Variants in CTF1 observed in about 807,000 individuals in gnomAD.
CTF1 encodes the protein cardiotrophin-1.
CTF1 carries 9 observed loss-of-function variants against 10.9 expected under a neutral mutation model. The observed-to-expected ratio is 0.83, with a 90% CI of 0.50 to 1.44. The LOEUF is 1.44. Ranked by LOEUF, CTF1 falls within the 40% of genes most tolerant of loss-of-function variation. CTF1 has a pLI of 0.00. For missense variants in CTF1, 259 were observed against 275.3 expected, an observed-to-expected ratio of 0.94 and a Z score of 0.42; for synonymous variants, 133 against 138.8, an observed-to-expected ratio of 0.96 and a Z score of 0.29.
In CTF1 at chr16:30,902,604, CTT is replaced by C; in HGVS notation, c.*67_*68del. ...TCCGTCTCTCCTTCCGCTTCTTTGT[CTT>C]TCTCTGCCGCTGTCGGTGTCTGTCT... On this transcript the variant is annotated 3_prime_UTR_variant, in exon 3 of 3. Transcript: ENST00000279804. The C allele has an allele frequency of 2.1e-6, 3 of 1,426,920 alleles. No homozygotes were observed. Among genetic ancestry groups the C allele is most frequent in the Non-Finnish European group, 2.8e-6 (3 of 1,085,950 alleles). 88.4% of individuals were successfully genotyped at this position (1,426,920 alleles called of 1,614,324 possible). A position where few individuals can be genotyped will look rare whatever the true frequency, so the allele number is the denominator to read the frequency against.
chr16:30,901,668 G>A (rs937048587), intron 2 of CTF1, among the ~76,000 whole-genome samples: 1 of 151,756 alleles, frequency 6.6e-6, no homozygotes, highest in African/African-American at 2.4e-5. Flanking sequence ...GACCTCCTGG[G>A]CTCAAGCAAT....
chr16:30,900,773 AC>A (rs1426866506), intron 2 of CTF1, among the ~76,000 whole-genome samples: 2 of 151,896 alleles, frequency 1.3e-5, no homozygotes, highest in Admixed American at 1.3e-4. Flanking sequence ...ACAGTGTGAG[AC>A]CCCATCTATT....
At chr16:30,896,707 G>A in intron 1 of CTF1, 39 bp downstream of exon 1, 1 of 1,252,162 alleles carries the variant, frequency 8.0e-7, no homozygotes. Context: ...TCGCTGAGGG[G>A]CGCAGGAGTC....
rs763364353 is a variant in CTF1 at position 30,896,676 on chromosome 16, G to T, written c.25+8G>T. On this transcript the variant is annotated splice_region_variant and intron_variant, in intron 1 of 2. Transcript: ENST00000279804. Reference sequence around the variant, plus strand: ...GGAGGGAGGGAAGTCTGGGTAAGGGGCTGAGGGACCGGACGCCGGGTCGCT... The same window carrying T: ...GGAGGGAGGGAAGTCTGGGTAAGGGTCTGAGGGACCGGACGCCGGGTCGCT... 1.4e-5 allele frequency: 18 copies of T among 1,252,994 alleles called. No individual in the cohort carries two copies. The highest frequency in any genetic ancestry group is 4.2e-5 in the Admixed American group (1 of 23,744). The allele number at this position is 1,252,994 out of a possible 1,614,324, so 77.6% of individuals were successfully genotyped here.
intron 1 of CTF1, 64 bp from the exon 2 acceptor site, chr16:30,899,351 C>A: frequency 1.0e-6 from 1 of 986,098 alleles, no homozygotes; most frequent in Non-Finnish European, 1.6e-6. Flanking sequence ...AAAGAGCCAG[C>A]GTGGGAGAGG....
At chr16:30,899,557 T>TGGGGGG in intron 2 of CTF1, 24 bp downstream of exon 2, 2 of 546,118 alleles carry the variant, frequency 3.7e-6, no homozygotes, top group Non-Finnish European at 7.0e-6. Flanking sequence ...GGGGTGGGGG[T>TGGGGGG]GCCGGGGGCC....
chr16:30,902,005 G>C, intron 2 of CTF1, 73 bp from the exon 3 acceptor site: 1 of 1,296,712 alleles, frequency 7.7e-7, no homozygotes. Flanking sequence ...CAGAGAGCGG[G>C]TTGGAGAGCC....
chr16:30,896,770 G>C (rs1461529364), intron 1 of CTF1, 102 bp downstream of exon 1: 29 of 1,109,218 alleles, frequency 2.6e-5, no homozygotes, highest in Non-Finnish European at 3.0e-5. Flanking sequence ...GGTCCGGGAG[G>C]GGAGCGGCCT....
intron 2 of CTF1, among the ~76,000 whole-genome samples, chr16:30,901,178 T>A (rs778923253): frequency 3.9e-5 from 6 of 152,038 alleles, no homozygotes; most frequent in Non-Finnish European, 7.4e-5. Flanking sequence ...CAGGCGTGAG[T>A]CACCGTGCCC....
At chr16:30,898,038 T>A (rs1475852166) in intron 1 of CTF1, among the ~76,000 whole-genome samples, 1 of 150,590 alleles carries the variant, frequency 6.6e-6, no homozygotes, top group East Asian at 2.0e-4. Context: ...TTTTTTTGTA[T>A]TTTTAGTAGA....
intron 2 of CTF1, 23 bp downstream of exon 2, chr16:30,899,556 G>GGGC: frequency 1.6e-6 from 2 of 1,217,730 alleles, no homozygotes; most frequent in Non-Finnish European, 2.4e-6. Flanking sequence ...GGGGGTGGGG[G>GGGC]TGCCGGGGGC....
chr16:30,899,322 C>A, intron 1 of CTF1, 93 bp from the exon 2 acceptor site: 1 of 844,202 alleles, frequency 1.2e-6, no homozygotes, highest in Non-Finnish European at 2.1e-6. Context: ...ATGGGACAGA[C>A]CCTGATGGGG....
chr16:30,896,513 G>T (rs540754654), upstream of CTF1: 13 of 827,384 alleles, frequency 1.6e-5, no homozygotes, highest in Middle Eastern at 8.5e-4. Flanking sequence ...TGTCTCAAAA[G>T]GGGGGGTAGG....
In CTF1 at chr16:30,902,300, G is replaced by T; in HGVS notation, c.367G>T (p.Glu123Ter). The T allele has an allele frequency of 2.0e-6, 2 of 1,008,498 alleles. No homozygotes were observed. The highest frequency in any genetic ancestry group is 2.4e-6 in the Non-Finnish European group (2 of 847,554). 62.5% of individuals were successfully genotyped at this position (1,008,498 alleles called of 1,614,324 possible). A position where few individuals can be genotyped will look rare whatever the true frequency, so the allele number is the denominator to read the frequency against. ...PRAPRLLRRL[E>*]DAARQARALG... ...CGCGCCGCGCCTGCTGCGCCGCCTG[G>T]AGGACGCGGCGCGCCAGGCCCGGGC... Residue 123 changes from glutamate to a stop codon, truncating the protein, a stop_gained, in exon 3 of 3, where the codon GAG becomes TAG. Transcript: ENST00000279804. LOFTEE classifies it high-confidence loss of function.
chr16:30,898,306 C>T (rs1269080868), intron 1 of CTF1, among the ~76,000 whole-genome samples: 1 of 152,056 alleles, frequency 6.6e-6, no homozygotes, highest in Non-Finnish European at 1.5e-5. Context: ...GGATTACAGG[C>T]ACCCACCATC....
At chr16:30,899,389 C>A in intron 1 of CTF1, 26 bp from the exon 2 acceptor site, 2 of 1,463,134 alleles carry the variant, frequency 1.4e-6, no homozygotes, top group Non-Finnish European at 1.9e-6. Context: ...GTTGGCCATC[C>A]TCATTCCTCC....
Position 30,902,093 on chromosome 16 carries a change from G to T in CTF1, c.160G>T (p.Asp54Tyr). ...LLQEYVQLQG[D>Y]PFGLPSFSPP... ...GTCTCCGCAGGTGCAGCTCCAGGGA[G>T]ACCCCTTCGGGCTGCCCAGCTTCTC... The change falls in exon 3 of 3, where the codon GAC becomes TAC. Residue 54 changes from aspartate (D) to tyrosine (Y), a missense_variant. Coordinates refer to ENST00000279804, the MANE Select transcript of CTF1 (RefSeq NM_001330.5). 7.0e-7 allele frequency: 1 copy of T among 1,437,118 alleles called. No homozygotes were observed. Among genetic ancestry groups the T allele is most frequent in the Non-Finnish European group, 9.1e-7 (1 of 1,093,892 alleles). The allele number at this position is 1,437,118 out of a possible 1,614,324, so 89.0% of individuals were successfully genotyped here.
chr16:30,902,585 T>C lies in CTF1; in HGVS notation c.*46T>C. ...CCGCCTCCTCCCGCTGGGTTCCGTCTCTCCTTCCGCTTCTTTGTCTTTCTC... is the reference window on the plus strand; with the variant it reads ...CCGCCTCCTCCCGCTGGGTTCCGTCCCTCCTTCCGCTTCTTTGTCTTTCTC... On this transcript the variant is annotated 3_prime_UTR_variant, in exon 3 of 3. Transcript: ENST00000279804. 2 of 1,477,606 alleles carry C rather than the reference T, an allele frequency of 1.4e-6. No homozygotes were observed. The highest frequency in any genetic ancestry group is 2.5e-5 in the South Asian group (2 of 80,004). The allele number at this position is 1,477,606 out of a possible 1,614,324, so 91.5% of individuals were successfully genotyped here.
chr16:30,896,759 G>C (rs990972294), intron 1 of CTF1, 91 bp downstream of exon 1: 3 of 1,141,638 alleles, frequency 2.6e-6, no homozygotes, highest in Middle Eastern at 3.2e-4. Context: ...CGCCACCCCC[G>C]GGTCCGGGAG....
Sources: gnomAD v4.1 joint callset for allele counts (sites outside exome capture counted in the v4.1 genomes callset) on GRCh38, gnomAD v4.1.1 for gene constraint, MANE v1.5 for transcripts, NCBI Gene and HGNC (gene_info 2026-07-23, HGNC 2026-07-21) for gene names.